The following EXOC6B variants were observed in gnomAD, a reference collection of about 807,000 sequenced individuals.
EXOC6B encodes SEC15 homolog B.
In EXOC6B, 54 loss-of-function variants were observed where a neutral mutation model predicts 113.5. The observed-to-expected ratio is 0.48, with a 90% CI of 0.38 to 0.60. The LOEUF (loss-of-function observed/expected upper bound fraction) is 0.60. Ranked by LOEUF, EXOC6B falls within the 20% of genes least tolerant of loss-of-function variation. The pLI, the probability that EXOC6B is intolerant of heterozygous loss-of-function variation, is 0.00. For synonymous variants in EXOC6B, 357 were observed against 339.0 expected, an observed-to-expected ratio of 1.05 and a Z score of -0.58; for missense variants, 797 against 977.5, an observed-to-expected ratio of 0.82 and a Z score of 2.46.
At chr2:72,394,779 T>G (rs1692616330) in intron 18 of EXOC6B, among the ~76,000 whole-genome samples, 1 of 152,144 alleles carries the variant, frequency 6.6e-6, no homozygotes, top group South Asian at 2.1e-4. Flanking sequence ...TGAAATAATC[T>G]ACAAAGCCCT....
intron 20 of EXOC6B, among the ~76,000 whole-genome samples, chr2:72,282,803 G>A (rs1685208087): frequency 6.6e-6 from 1 of 152,052 alleles, no homozygotes; most frequent in African/African-American, 2.4e-5. Flanking sequence ...CCTTGGGCAA[G>A]AAGCATTAAA....
At chr2:72,392,374 A>G (rs1388162202) in intron 18 of EXOC6B, among the ~76,000 whole-genome samples, 1 of 152,224 alleles carries the variant, frequency 6.6e-6, no homozygotes, top group Admixed American at 6.5e-5. Context: ...ATGGCAGTCC[A>G]GCTTGGGCAG....
chr2:72,657,558 T>C (rs1674677136), intron 6 of EXOC6B, among the ~76,000 whole-genome samples: 2 of 133,318 alleles, frequency 1.5e-5, no homozygotes, highest in African/African-American at 5.9e-5. Flanking sequence ...GTCTTTCCTC[T>C]TTCCTTTTCT....
At chr2:72,811,990 G>A (rs1685950202) in intron 1 of EXOC6B, among the ~76,000 whole-genome samples, 2 of 152,112 alleles carry the variant, frequency 1.3e-5, no homozygotes. Flanking sequence ...TCAGGAAAAA[G>A]GCAAAGATAT....
chr2:72,683,066 C>G (rs535698073), intron 6 of EXOC6B, among the ~76,000 whole-genome samples: 124 of 152,286 alleles, frequency 8.1e-4, no homozygotes, highest in African/African-American at 2.9e-3. Flanking sequence ...GACAAAGGAA[C>G]AGCAATAATG....
At chr2:72,183,055 C>A in intron 21 of EXOC6B, 1 of 422,824 alleles carries the variant, frequency 2.4e-6, no homozygotes, top group Non-Finnish European at 4.0e-6. Flanking sequence ...TCTTGCCTAC[C>A]CTTCATCTCT....
chr2:72,524,654 G>C (rs1310388913), intron 8 of EXOC6B, among the ~76,000 whole-genome samples: 1 of 152,136 alleles, frequency 6.6e-6, no homozygotes, highest in East Asian at 1.9e-4. Context: ...ATGCTTGAAA[G>C]GATGGATACC....
chr2:72,200,330 T>C (rs772000162), intron 20 of EXOC6B, among the ~76,000 whole-genome samples: 5 of 152,250 alleles, frequency 3.3e-5, no homozygotes, highest in Non-Finnish European at 2.9e-5. Flanking sequence ...CTAATGTCCC[T>C]CCAGCTCTAA....
At chr2:72,633,183 C>T (rs1194600264) in intron 6 of EXOC6B, among the ~76,000 whole-genome samples, 3 of 152,172 alleles carry the variant, frequency 2.0e-5, no homozygotes, top group South Asian at 2.1e-4. Context: ...AAAAGTATTC[C>T]GTCTGCCATC....
At chr2:72,808,700 C>G (rs182993495) in intron 1 of EXOC6B, among the ~76,000 whole-genome samples, 125 of 152,208 alleles carry the variant, frequency 8.2e-4, no homozygotes, top group African/African-American at 2.9e-3. Context: ...GGAAGATCAA[C>G]GGAACCCAGG....
intron 6 of EXOC6B, among the ~76,000 whole-genome samples, chr2:72,704,369 G>A (rs1350640739): frequency 9.3e-5 from 14 of 150,754 alleles, no homozygotes; most frequent in East Asian, 1.9e-4. Context: ...CCCACAAGAG[G>A]AAGCAGGAAA....
chr2:72,251,971 A>G (rs910141450), intron 20 of EXOC6B, among the ~76,000 whole-genome samples: 2 of 152,060 alleles, frequency 1.3e-5, no homozygotes, highest in African/African-American at 4.8e-5. Context: ...TGAATGAACA[A>G]TCCTTGTCCC....
intron 20 of EXOC6B, among the ~76,000 whole-genome samples, chr2:72,215,902 G>A (rs1310956911): frequency 6.6e-6 from 1 of 152,102 alleles, no homozygotes; most frequent in Non-Finnish European, 1.5e-5. Context: ...GCTGTAGGCT[G>A]CTGAGGAAAG....
At position 72,473,196 on chromosome 2, in the gene EXOC6B, C is replaced by T. The variant is rs376149117; in HGVS notation, c.1800+7420G>A. ...TCTCTAAATGTCTGTTAAGTCCTTTCGGTCTAAAGTCCAGTTTAAAACAAA... is the reference window on the plus strand; with the variant it reads ...TCTCTAAATGTCTGTTAAGTCCTTTTGGTCTAAAGTCCAGTTTAAAACAAA... On this transcript the variant is annotated intron_variant, in intron 17 of 21. Transcript: ENST00000272427. 9.9e-5 allele frequency among the ~76,000 whole-genome samples: 15 copies of T among 152,176 alleles called. No individual in the cohort carries two copies. In the East Asian group the frequency reaches 1.3e-3, roughly 14 times the overall value.
chr2:72,547,992 T>A (rs1703001338), intron 8 of EXOC6B, among the ~76,000 whole-genome samples: 1 of 152,144 alleles, frequency 6.6e-6, no homozygotes, highest in Non-Finnish European at 1.5e-5. Flanking sequence ...ATTTAAACCA[T>A]ATAAAATTTT....
intron 16 of EXOC6B, among the ~76,000 whole-genome samples, chr2:72,489,298 T>C (rs1389896969): frequency 2.6e-5 from 4 of 152,222 alleles, no homozygotes; most frequent in African/African-American, 7.2e-5. Context: ...ATTGTTGTTG[T>C]TATTGTTCAC....
intron 18 of EXOC6B, among the ~76,000 whole-genome samples, chr2:72,413,033 A>T (rs2105229342): frequency 6.6e-6 from 1 of 151,832 alleles, no homozygotes; most frequent in Non-Finnish European, 1.5e-5. Context: ...ATCTCAGCTC[A>T]CTGCAGGCTC....
chr2:72,804,740 C>T (rs1685485603), intron 1 of EXOC6B, among the ~76,000 whole-genome samples: 1 of 151,992 alleles, frequency 6.6e-6, no homozygotes, highest in East Asian at 1.9e-4. Context: ...GGATTACAGG[C>T]ACGCACCACC....
intron 19 of EXOC6B, among the ~76,000 whole-genome samples, chr2:72,364,881 T>A (rs143454982): frequency 6.7e-4 from 102 of 152,284 alleles, no homozygotes; most frequent in African/African-American, 2.3e-3. Context: ...ACCAAAGCCC[T>A]TTCCTTCCTT....
Sources: allele counts gnomAD v4.1 joint callset (sites outside exome capture counted in the v4.1 genomes callset), GRCh38; gene constraint gnomAD v4.1.1; transcripts MANE v1.5; gene names NCBI Gene and HGNC (gene_info 2026-07-23, HGNC 2026-07-21).